PCDHA12: variants seen among roughly 807,000 people sequenced by gnomAD.
The protein encoded by PCDHA12 is protocadherin alpha 12.
PCDHA12 carries 44 observed loss-of-function variants against 60.0 expected under a neutral mutation model. The ratio of observed to expected loss-of-function variants is 0.73; its 90% CI spans 0.58 to 0.94. The LOEUF is 0.94. Among genes scored for constraint, PCDHA12 ranks in the 40% least tolerant of loss-of-function variants. PCDHA12 has a pLI of 0.00. For missense variants in PCDHA12, 1,276 were observed against 1,239.7 expected, an observed-to-expected ratio of 1.03 and a Z score of -0.44; for synonymous variants, 569 against 553.0, an observed-to-expected ratio of 1.03 and a Z score of -0.40.
In PCDHA12 at chr5:141,009,984, G is replaced by A. The variant is rs782207623; in HGVS notation, c.*47G>A. 6.3e-7 allele frequency: 1 copy of A among 1,581,532 alleles called. No homozygotes were observed. Among genetic ancestry groups the A allele is most frequent in the Admixed American group, 1.9e-5 (1 of 53,968 alleles). On this transcript the variant is annotated 3_prime_UTR_variant, in exon 4 of 4. Transcript: ENST00000398631. ...CACTTAGCCAGTTTTTGTAATAATG[G>A]CAAATCTCTCCCATGTAGCAATTCC... is the stretch of plus-strand genomic sequence containing the variant.
chr5:140,945,998 A>G (rs246057), intron 1 of PCDHA12, among the ~76,000 whole-genome samples: 85,388 of 151,608 alleles, frequency 0.56, 24,621 homozygotes, highest in African/African-American at 0.69. Context: ...GATTGCATCA[A>G]ACTAAAAAGC....
At chr5:140,988,851 C>T (rs2097316213) in intron 3 of PCDHA12, 1 of 152,174 alleles carries the variant, frequency 6.6e-6, no homozygotes, top group Admixed American at 6.5e-5. Context: ...TGAAACCTAT[C>T]CAGTCTCATG....
At chr5:140,902,395 G>A (rs782771913) in intron 1 of PCDHA12, among the ~76,000 whole-genome samples, 2 of 151,802 alleles carry the variant, frequency 1.3e-5, no homozygotes, top group Non-Finnish European at 2.9e-5. Context: ...GTACTATGTT[G>A]AATACTATGT....
At chr5:140,942,422 G>C (rs1445298712) in intron 1 of PCDHA12, among the ~76,000 whole-genome samples, 3 of 150,866 alleles carry the variant, frequency 2.0e-5, no homozygotes, top group Non-Finnish European at 4.4e-5. Context: ...AAAAAAAAAA[G>C]ATATCTAACA....
chr5:140,906,644 T>C (rs1167181721), intron 1 of PCDHA12, among the ~76,000 whole-genome samples: 3 of 152,232 alleles, frequency 2.0e-5, no homozygotes, highest in Admixed American at 6.5e-5. Flanking sequence ...CAGCAGGTAG[T>C]GGTTTTTTCC....
At chr5:140,949,271 TGAAAA>T (rs1377326965) in intron 1 of PCDHA12, among the ~76,000 whole-genome samples, 5 of 151,804 alleles carry the variant, frequency 3.3e-5, no homozygotes, top group Non-Finnish European at 5.9e-5. Flanking sequence ...CACGTGCACT[TGAAAA>T]GAATGTATAT....
rs191954731 is a variant in PCDHA12 at position 140,913,936 on chromosome 5, A to G, written c.2367+36097A>G. Among the ~76,000 whole-genome samples the G allele has an allele frequency of 7.5e-3, 1,149 of 152,268 alleles. 4 individuals are homozygous for G. Among genetic ancestry groups the G allele is most frequent in the Admixed American group, 0.013 (194 of 15,286 alleles). ...AATTTTACTTCATTGTGGTCAGAGA[A>G]GAATCTTGATATGATATCATTTTTA... On this transcript the variant is annotated intron_variant, in intron 1 of 3. Transcript: ENST00000398631.
At chr5:140,915,686 A>G (rs1440972076) in intron 1 of PCDHA12, among the ~76,000 whole-genome samples, 2 of 150,988 alleles carry the variant, frequency 1.3e-5, no homozygotes, top group African/African-American at 2.4e-5. Flanking sequence ...AACTAGGGGT[A>G]TGGTGATGCA....
At chr5:140,998,940 A>G (rs2097841050) in intron 3 of PCDHA12, among the ~76,000 whole-genome samples, 1 of 152,222 alleles carries the variant, frequency 6.6e-6, no homozygotes, top group African/African-American at 2.4e-5. Context: ...AGATGAAGAA[A>G]CTGTAAGTCA....
At chr5:140,920,767 C>T (rs1484117906) in intron 1 of PCDHA12, among the ~76,000 whole-genome samples, 1 of 151,632 alleles carries the variant, frequency 6.6e-6, no homozygotes. Context: ...TTGCTTACAC[C>T]TGGGAGGTGG....
chr5:140,947,146 A>G (rs1253300651), intron 1 of PCDHA12, among the ~76,000 whole-genome samples: 2 of 151,546 alleles, frequency 1.3e-5, no homozygotes, highest in Non-Finnish European at 1.5e-5. Context: ...ATGTATAGTT[A>G]CTTCCACGGG....
chr5:140,883,791 T>C, intron 1 of PCDHA12: 3 of 1,612,422 alleles, frequency 1.9e-6, no homozygotes, highest in Middle Eastern at 3.9e-4. Flanking sequence ...TCGAGCTACG[T>C]GTCGGTGCAC....
chr5:140,951,762 A>G (rs2094630710), intron 1 of PCDHA12, among the ~76,000 whole-genome samples: 1 of 152,090 alleles, frequency 6.6e-6, no homozygotes, highest in Non-Finnish European at 1.5e-5. Flanking sequence ...GCGAAATCTC[A>G]TGACGTTCTT....
chr5:140,884,395 C>A, intron 1 of PCDHA12: 1 of 1,614,000 alleles, frequency 6.2e-7, no homozygotes, highest in Non-Finnish European at 8.5e-7. Flanking sequence ...CGGTGTCCAG[C>A]CTGTTGGTGC....
At chr5:140,955,654 A>G (rs2095214723) in intron 1 of PCDHA12, among the ~76,000 whole-genome samples, 1 of 152,208 alleles carries the variant, frequency 6.6e-6, no homozygotes, top group South Asian at 2.1e-4. Flanking sequence ...TAATACACAT[A>G]TGAATTTTAA....
chr5:140,963,941 G>A lies in PCDHA12; in HGVS notation c.2368-15008G>A, dbSNP rs1434019587. Among the ~76,000 whole-genome samples the A allele has an allele frequency of 7.9e-5, 12 of 152,320 alleles. No homozygotes were observed. In the East Asian group the frequency reaches 9.6e-4, roughly 12 times the overall value. On this transcript the variant is annotated intron_variant, in intron 1 of 3. Coordinates refer to ENST00000398631, the MANE Select transcript of PCDHA12 (RefSeq NM_018903.4). ...TAAGTAACATGTCCATAGCCAAACAGTTAGTCACTGGCAGGAGTGTGACTG... is the reference window on the plus strand; with the variant it reads ...TAAGTAACATGTCCATAGCCAAACAATTAGTCACTGGCAGGAGTGTGACTG...
intron 1 of PCDHA12, among the ~76,000 whole-genome samples, chr5:140,921,417 A>C (rs1292321863): frequency 6.6e-6 from 1 of 152,210 alleles, no homozygotes; most frequent in Non-Finnish European, 1.5e-5. Flanking sequence ...TCTGTGCTGC[A>C]GACAAAAATT....
rs1458261257 is a variant in PCDHA12, at chr5:140,941,194, TCTTTCTTCCTTTCTTTCTTC to T, written c.2368-37747_2368-37728del. Among the ~76,000 whole-genome samples the T allele has an allele frequency of 1.9e-3, 217 of 112,428 alleles. 2 individuals carry two copies. Among genetic ancestry groups the T allele is most frequent in the African/African-American group, 6.9e-3 (195 of 28,326 alleles). 73.8% of individuals were successfully genotyped at this position (112,428 alleles called of 152,430 possible). A position where few individuals can be genotyped will look rare whatever the true frequency, so the allele number is the denominator to read the frequency against. On this transcript the variant is annotated intron_variant, in intron 1 of 3. Coordinates refer to ENST00000398631, the MANE Select transcript of PCDHA12 (RefSeq NM_018903.4). ...CTTGAACATCCTGCTTCTTTTTTTT[TCTTTCTTCCTTTCTTTCTTC>T]CTTTCTTTCTTTCTTTCTTTCTTTC...
intron 1 of PCDHA12, among the ~76,000 whole-genome samples, chr5:140,936,121 G>C (rs1381895785): frequency 6.6e-6 from 1 of 152,068 alleles, no homozygotes; most frequent in Non-Finnish European, 1.5e-5. Flanking sequence ...TCGAACTCCT[G>C]ACCTTAAGTG....
Sources: gnomAD v4.1 joint callset for allele counts (sites outside exome capture counted in the v4.1 genomes callset) on GRCh38, gnomAD v4.1.1 for gene constraint, MANE v1.5 for transcripts, NCBI Gene and HGNC (gene_info 2026-07-23, HGNC 2026-07-21) for gene names.